Variants in CFAP46 observed in about 807,000 individuals in gnomAD.
The protein encoded by CFAP46 is cilia and flagella associated protein 46.
A neutral mutation model predicts 325.7 loss-of-function variants in CFAP46; 245 were observed. That is an observed-to-expected ratio of 0.75 (90% CI 0.68 to 0.84). The LOEUF (loss-of-function observed/expected upper bound fraction) is 0.84. CFAP46 is among the 40% of genes least tolerant of loss of function. The probability of loss-of-function intolerance (pLI) is 0.00; values close to 1 mark genes in which losing one functional copy is unlikely to be tolerated. For synonymous variants in CFAP46, 1,523 were observed against 1,495.9 expected (o/e 1.02, Z -0.42); for missense variants, 3,346 against 3,543.0 (o/e 0.94, Z 1.41).
intron 50 of CFAP46, among the ~76,000 whole-genome samples, chr10:132,816,320 G>GACTTCTTC (rs1306561064): frequency 5.4e-5 from 8 of 147,908 alleles, no homozygotes; most frequent in African/African-American, 2.0e-4. Flanking sequence ...TCCTTGCTCT[G>GACTTCTTC]ACTTCTTCTT....
Position 132,814,258 on chromosome 10 carries a change from C to T in CFAP46, c.7286-4G>A. Reference sequence around the variant, plus strand: ...ATGGAGACAGGAGTTAGCATTTCTGCAAGGAGAACAGGGTGGATACAGACC... The same window carrying T: ...ATGGAGACAGGAGTTAGCATTTCTGTAAGGAGAACAGGGTGGATACAGACC... On this transcript the variant is annotated splice_polypyrimidine_tract_variant and splice_region_variant and intron_variant, in intron 53 of 57. Transcript: ENST00000368586. 1 of 1,607,944 alleles carries T rather than the reference C, an allele frequency of 6.2e-7. No individual in the cohort carries two copies. Among genetic ancestry groups the T allele is most frequent in the Non-Finnish European group, 8.5e-7 (1 of 1,174,870 alleles).
intron 8 of CFAP46, among the ~76,000 whole-genome samples, chr10:132,933,375 G>T (rs960848894): frequency 6.6e-5 from 10 of 152,356 alleles, no homozygotes; most frequent in African/African-American, 9.6e-5. Flanking sequence ...ACAGACCTCG[G>T]AACAGGGCTA....
At position 132,847,701 on chromosome 10, in the gene CFAP46, A is replaced by T. The variant is rs1200582350; in HGVS notation, c.5953-380T>A. ...AACCAGCCAGCACTGAGGCTGAGGC[A>T]TCCACCAGCCCTCAGGGGCCCCTGA... On this transcript the variant is annotated intron_variant, in intron 41 of 57. Coordinates refer to ENST00000368586, the MANE Select transcript of CFAP46 (RefSeq NM_001200049.3). This position sits in a 1 kb window ranked among gnomAD's most constrained non-coding sequence, Gnocchi z 5.2. 6.6e-6 allele frequency among the ~76,000 whole-genome samples: 1 copy of T among 152,230 alleles called. No homozygotes were observed. The highest frequency in any genetic ancestry group is 1.9e-4 in the East Asian group (1 of 5,160).
At chr10:132,936,295 G>A (rs373522949) in intron 7 of CFAP46, among the ~76,000 whole-genome samples, 20 of 66,058 alleles carry the variant, frequency 3.0e-4, no homozygotes, top group South Asian at 7.9e-4. Context: ...CACTCCCCTC[G>A]GCACCCAAAC....
Position 132,899,632 on chromosome 10 carries a change from T to C in CFAP46, c.2959A>G (p.Thr987Ala), listed in dbSNP as rs1364018713. 6.5e-7 allele frequency: 1 copy of C among 1,550,238 alleles called. No individual in the cohort carries two copies. The highest frequency in any genetic ancestry group is 2.4e-5 in the East Asian group (1 of 40,916). ...ESRLVAEMLCTATAIQGRSIM... is the reference protein window; with the variant it reads ...ESRLVAEMLCAATAIQGRSIM... Reference sequence around the variant, plus strand: ...CTCCTGCCCTGGATGGCCGTGGCTGTGCACAGCATCTCTGCCACCAGCCGG... The same window carrying C: ...CTCCTGCCCTGGATGGCCGTGGCTGCGCACAGCATCTCTGCCACCAGCCGG... The change falls in exon 23 of 58, where the codon ACA becomes GCA. Residue 987 changes from threonine (T) to alanine (A), a missense_variant. Physicochemically the swap from Thr to Ala is moderately conservative, Grantham distance 58. Transcript: ENST00000368586.
At chr10:132,861,158 C>G (rs567110605) in intron 35 of CFAP46, among the ~76,000 whole-genome samples, 176 bp from the exon 36 acceptor site, 1 of 152,190 alleles carries the variant, frequency 6.6e-6, no homozygotes, top group Non-Finnish European at 1.5e-5. Flanking sequence ...GGCCCATGGC[C>G]GCCCTCGCAC....
Position 132,846,123 on chromosome 10 carries a change from C to G in CFAP46, c.6372G>C (p.Arg2124=), listed in dbSNP as rs1278423967. ...AALLQLQHQL[R]CQDRTTTSLG... The stretch of plus-strand genomic sequence containing the variant: ...GGCTGGTGGTGGTCCTGTCTTGGCA[C>G]CGGAGCTGGTGCTGTAGCTGCAGCA... The change falls in exon 44 of 58, where the codon CGG becomes CGC. Residue 2124 remains arginine, a synonymous_variant. Coordinates refer to ENST00000368586, the MANE Select transcript of CFAP46 (RefSeq NM_001200049.3). 3.7e-6 allele frequency: 6 copies of G among 1,610,044 alleles called. No homozygotes were observed. Among genetic ancestry groups the G allele is most frequent in the Non-Finnish European group, 5.1e-6 (6 of 1,179,392 alleles).
At chr10:132,915,668 T>C (rs1057443930) in intron 17 of CFAP46, among the ~76,000 whole-genome samples, 1 of 151,880 alleles carries the variant, frequency 6.6e-6, no homozygotes, top group African/African-American at 2.4e-5. Flanking sequence ...GATGCATGGA[T>C]AGTCGGGGAC....
At chr10:132,914,059 CGGCCCG>C (rs1849602375) in intron 17 of CFAP46, among the ~76,000 whole-genome samples, 2 of 148,070 alleles carry the variant, frequency 1.4e-5, no homozygotes, top group African/African-American at 5.0e-5. Flanking sequence ...CACTGCACCC[CGGCCCG>C]AGGCTGTGTC....
chr10:132,816,567 G>T lies in CFAP46; in HGVS notation c.7118-1653C>A, dbSNP rs186859531. ...AGGATGGTCTCGATCTCCTGACCTT[G>T]GGTGATCCGCCCACCTTGGCCTCCC... On this transcript the variant is annotated intron_variant, in intron 50 of 57. Transcript: ENST00000368586. Among the ~76,000 whole-genome samples the T allele has an allele frequency of 5.9e-3, 900 of 152,108 alleles. 8 individuals are homozygous for T. The highest frequency in any genetic ancestry group is 0.02 in the African/African-American group (830 of 41,490).
In CFAP46 at chr10:132,832,541, T is replaced by C. The variant is rs1848167627; in HGVS notation, c.7117+817A>G. The C allele has an allele frequency of 3.0e-6, 1 of 331,552 alleles. No homozygotes were observed. The highest frequency in any genetic ancestry group is 6.1e-6 in the Non-Finnish European group (1 of 165,084). The allele number at this position is 331,552 out of a possible 1,614,324, so 20.5% of individuals were successfully genotyped here. ...AACCCTCATTTCATGTGCTTTTCTC[T>C]GGTTTTTATTTGTCTCAGCTGGAAG... On this transcript the variant is annotated intron_variant, in intron 50 of 57. Transcript: ENST00000368586. The surrounding 1 kb of genome is among the most constrained non-coding windows in gnomAD (Gnocchi z 4.1).
intron 22 of CFAP46, among the ~76,000 whole-genome samples, chr10:132,903,325 G>C (rs1849414850): frequency 1.3e-5 from 2 of 152,340 alleles, no homozygotes; most frequent in South Asian, 4.1e-4. Context: ...CCACCAGACA[G>C]GCACAGACTC....
At chr10:132,856,150 G>A (rs1848638695) in intron 39 of CFAP46, among the ~76,000 whole-genome samples, 1 of 152,214 alleles carries the variant, frequency 6.6e-6, no homozygotes, top group Admixed American at 6.5e-5. Context: ...AGAGGTCCCT[G>A]CGCTGGGCTC....
Position 132,884,819 on chromosome 10 carries a change from TG to T in CFAP46, c.3627+283del, listed in dbSNP as rs1319804335. 6.6e-6 allele frequency among the ~76,000 whole-genome samples: 1 copy of T among 152,006 alleles called. No homozygotes were observed. The highest frequency in any genetic ancestry group is 2.4e-5 in the African/African-American group (1 of 41,386). Reference sequence around the variant, plus strand: ...CCAGGGGAGCCTGGGCGCTTCCACTTGGGGCATCACCCTCTGGGCCCCCCTC... The same window carrying T: ...CCAGGGGAGCCTGGGCGCTTCCACTTGGGCATCACCCTCTGGGCCCCCCTC... On this transcript the variant is annotated intron_variant, in intron 27 of 57. Coordinates refer to ENST00000368586, the MANE Select transcript of CFAP46 (RefSeq NM_001200049.3). The surrounding 1 kb of genome is among the most constrained non-coding windows in gnomAD (Gnocchi z 5.4).
chr10:132,923,997 A>AG (rs1257484508), intron 11 of CFAP46, among the ~76,000 whole-genome samples: 1 of 152,062 alleles, frequency 6.6e-6, no homozygotes, highest in Admixed American at 6.5e-5. Context: ...GCAGACAGGG[A>AG]GCGGGGGCTG....
In CFAP46 at chr10:132,899,598, T is replaced by C. The variant is rs1213111521; in HGVS notation, c.2993A>G (p.Glu998Gly). The C allele has an allele frequency of 1.9e-6, 3 of 1,550,090 alleles. No individual in the cohort carries two copies. The highest frequency in any genetic ancestry group is 2.6e-6 in the Non-Finnish European group (3 of 1,146,958). ...CAGCTGCTTCCGGCCCTTCAGGTTTTCCATGATGCTCCTGCCCTGGATGGC... is the reference window on the plus strand; with the variant it reads ...CAGCTGCTTCCGGCCCTTCAGGTTTCCCATGATGCTCCTGCCCTGGATGGC... ...ATAIQGRSIM[E>G]NLKGRKQLRL... The change falls in exon 23 of 58, where the codon GAA (glutamate) becomes GGA (glycine). Residue 998 changes from glutamate to glycine, a missense_variant. Transcript: ENST00000368586.
rs1423039131 is a variant in CFAP46, at chr10:132,904,649, C to T, written c.2924+3819G>A. On this transcript the variant is annotated intron_variant, in intron 22 of 57. Coordinates refer to ENST00000368586, the MANE Select transcript of CFAP46 (RefSeq NM_001200049.3). ...CTCCTGTTGTGTGCCGCTCTGCCCTCCACACTTGGGGAAGTAATTGTAACT... is the reference window on the plus strand; with the variant it reads ...CTCCTGTTGTGTGCCGCTCTGCCCTTCACACTTGGGGAAGTAATTGTAACT... 3.3e-5 allele frequency among the ~76,000 whole-genome samples: 5 copies of T among 152,378 alleles called. No individual in the cohort carries two copies. In the East Asian group the frequency reaches 9.6e-4, roughly 29 times the overall value.
intron 46 of CFAP46, 77 bp downstream of exon 46, chr10:132,836,065 G>T: frequency 1.5e-6 from 1 of 688,070 alleles, no homozygotes; most frequent in East Asian, 6.5e-5. Context: ...TCCCGACACA[G>T]CCCTGCTCAC....
chr10:132,880,096 G>A (rs1275891877), intron 28 of CFAP46, among the ~76,000 whole-genome samples: 3 of 150,268 alleles, frequency 2.0e-5, no homozygotes, highest in Admixed American at 6.6e-5. Context: ...CCTGCTGTGC[G>A]CACGTGTGTG....
Sources: gnomAD v4.1 joint callset for allele counts (sites outside exome capture counted in the v4.1 genomes callset) on GRCh38, gnomAD v4.1.1 for gene constraint, Gnocchi (gnomAD v3.1) non-coding constraint, MANE v1.5 for transcripts, NCBI Gene and HGNC (gene_info 2026-07-23, HGNC 2026-07-21) for gene names.